Variants in MEIOC observed in about 807,000 individuals in gnomAD.
MEIOC encodes meiosis specific with coiled-coil domain.
In MEIOC, 9 loss-of-function variants were observed where a neutral mutation model predicts 85.3. The ratio of observed to expected loss-of-function variants is 0.11; its 90% CI spans 0.06 to 0.18. MEIOC has a LOEUF of 0.18. Ranked by LOEUF, MEIOC falls within the 10% of genes least tolerant of loss-of-function variation. The pLI, the probability that MEIOC is intolerant of heterozygous loss-of-function variation, is 1.00. For missense variants in MEIOC, 898 were observed against 1,129.4 expected (o/e 0.80, Z 2.94); for synonymous variants, 365 against 393.7 (o/e 0.93, Z 0.86).
At chr17:44,659,496 T>TGA (rs1971816573) in intron 2 of MEIOC, among the ~76,000 whole-genome samples, 1 of 152,264 alleles carries the variant, frequency 6.6e-6, no homozygotes, top group Non-Finnish European at 1.5e-5. Context: ...GGGATGCAGA[T>TGA]ATTTCAAGTA....
chr17:44,671,286 G>A (rs1033852515), intron 6 of MEIOC: 34 of 151,552 alleles, frequency 2.2e-4, no homozygotes, highest in African/African-American at 7.3e-4. Context: ...TCTAGGAAAT[G>A]AAGGATGACA....
chr17:44,659,325 A>G (rs981905730), intron 2 of MEIOC, among the ~76,000 whole-genome samples: 1 of 152,226 alleles, frequency 6.6e-6, no homozygotes, highest in African/African-American at 2.4e-5. Flanking sequence ...CCATAGTTCC[A>G]CTGCTCTCTG....
rs1027862272 is a variant in MEIOC, at chr17:44,668,178, T to C, written c.2267T>C (p.Ile756Thr). The C allele has an allele frequency of 6.2e-7, 1 of 1,613,816 alleles. No homozygotes were observed. Residue 756 changes from isoleucine to threonine, a missense_variant, in exon 5 of 8, where the codon ATT becomes ACT. Transcript: ENST00000409122. ...AGTGGACCAGCCAGTGAACTTCATA[T>C]TCGTCTAGAAGAGTGCTGTGAACAA... ...TRSGPASELH[I>T]RLEECCEQWR...
intron 6 of MEIOC, chr17:44,671,112 C>G (rs898527081): frequency 6.6e-6 from 1 of 151,316 alleles, no homozygotes; most frequent in Non-Finnish European, 1.5e-5. Flanking sequence ...TTAGAAAAAT[C>G]AACATGGGTC....
At chr17:44,668,390 G>A (rs984651088) in intron 5 of MEIOC, among the ~76,000 whole-genome samples, 157 bp downstream of exon 5, 4 of 152,184 alleles carry the variant, frequency 2.6e-5, no homozygotes, top group African/African-American at 9.7e-5. Context: ...TGCCCAGGCT[G>A]GAGTACAGTG....
At chr17:44,670,052 C>G (rs1188669389) in intron 6 of MEIOC, 1 of 152,520 alleles carries the variant, frequency 6.6e-6, no homozygotes, top group East Asian at 1.9e-4. Flanking sequence ...GGGAGAATCA[C>G]TTGAGCCCAG....
At chr17:44,661,674 C>G (rs1971843558) in intron 2 of MEIOC, among the ~76,000 whole-genome samples, 1 of 152,006 alleles carries the variant, frequency 6.6e-6, no homozygotes, top group East Asian at 1.9e-4. Context: ...GCCTCAGCCT[C>G]CCAAGTAGCT....
At chr17:44,673,702 A>G (rs1444581827) in intron 7 of MEIOC, 156 bp downstream of exon 7, 4 of 758,534 alleles carry the variant, frequency 5.3e-6, no homozygotes, top group Non-Finnish European at 8.2e-6. Flanking sequence ...CTCCAAAAGT[A>G]TTTCCATTTT....
intron 4 of MEIOC, among the ~76,000 whole-genome samples, 171 bp downstream of exon 4, chr17:44,665,659 T>C (rs921828327): frequency 1.3e-5 from 2 of 152,172 alleles, no homozygotes; most frequent in Non-Finnish European, 2.9e-5. Context: ...TGCTATATAA[T>C]TGGAAGTTCA....
At position 44,672,569 on chromosome 17, in the gene MEIOC, A is replaced by G. The variant is rs1012246274; in HGVS notation, c.2458-797A>G. ...TCAGTGAACACCAAGTTCTGCTATC[A>G]ATTGTTAAATCATTTAATTCCCAAA... On this transcript the variant is annotated intron_variant, in intron 6 of 7. Coordinates refer to ENST00000409122, the MANE Select transcript of MEIOC (RefSeq NM_001145080.3). 4.6e-5 allele frequency among the ~76,000 whole-genome samples: 7 copies of G among 152,278 alleles called. No individual in the cohort carries two copies. In the South Asian group the frequency reaches 1.5e-3, roughly 32 times the overall value.
intron 2 of MEIOC, among the ~76,000 whole-genome samples, chr17:44,658,651 CG>C (rs987693176): frequency 1.3e-4 from 19 of 151,178 alleles, no homozygotes; most frequent in Non-Finnish European, 1.9e-4. Flanking sequence ...AAAAATCAGC[CG>C]GGTGTGGGGG....
rs1287424859 is a variant in MEIOC at position 44,665,087 on chromosome 17, T to TTA, written c.360-293_360-292dup. The TTA allele has an allele frequency of 9.1e-6, 9 of 990,192 alleles. No individual in the cohort carries two copies. The East Asian group carries it at 7.2e-4, about 79-fold the overall frequency. The allele number at this position is 990,192 out of a possible 1,614,324, so 61.3% of individuals were successfully genotyped here. A position where few individuals can be genotyped will look rare whatever the true frequency, so the allele number is the denominator to read the frequency against. ...GTCTGTGACATCATAGATGACAGATTTATATCTTGGTCACCTAAAATGAAA... is the reference window on the plus strand; with the variant it reads ...GTCTGTGACATCATAGATGACAGATTTATATATCTTGGTCACCTAAAATGAAA... On this transcript the variant is annotated intron_variant, in intron 3 of 7. Transcript: ENST00000409122.
chr17:44,675,655 G>T lies in MEIOC; in HGVS notation c.*1459G>T. 12 of 985,076 alleles carry T rather than the reference G, an allele frequency of 1.2e-5. No homozygotes were observed. Among genetic ancestry groups the T allele is most frequent in the Non-Finnish European group, 1.3e-5 (11 of 829,658 alleles). The allele number at this position is 985,076 out of a possible 1,614,324, so 61.0% of individuals were successfully genotyped here. ...TAGAACTACCCAAATGAATTACATT[G>T]AGGGTAGTCAAATAAAATAGATCAT... On this transcript the variant is annotated 3_prime_UTR_variant, in exon 8 of 8. Coordinates refer to ENST00000409122, the MANE Select transcript of MEIOC (RefSeq NM_001145080.3).
At chr17:44,673,186 T>C in intron 6 of MEIOC, 180 bp from the exon 7 acceptor site, 1 of 450,986 alleles carries the variant, frequency 2.2e-6, no homozygotes, top group South Asian at 5.7e-5. Flanking sequence ...CATAGACAAG[T>C]AGATAGAAAA....
intron 2 of MEIOC, among the ~76,000 whole-genome samples, chr17:44,657,575 T>TG (rs1015084728): frequency 2.6e-5 from 4 of 151,614 alleles, no homozygotes; most frequent in Non-Finnish European, 4.4e-5. Flanking sequence ...GTTTTTGAGA[T>TG]GGAGTTTTGC....
Position 44,675,730 on chromosome 17 carries a change from T to C in MEIOC, c.*1534T>C. On this transcript the variant is annotated 3_prime_UTR_variant, in exon 8 of 8. Transcript: ENST00000409122. ...GTGGTTAAGTTTAACATAAGACATGTTGGATGTTATAAAAACAAATACTGT... is the reference window on the plus strand; with the variant it reads ...GTGGTTAAGTTTAACATAAGACATGCTGGATGTTATAAAAACAAATACTGT... 4 of 975,620 alleles carry C rather than the reference T, an allele frequency of 4.1e-6. No individual in the cohort carries two copies. Among genetic ancestry groups the C allele is most frequent in the Non-Finnish European group, 4.9e-6 (4 of 821,068 alleles). 60.4% of individuals were successfully genotyped at this position (975,620 alleles called of 1,614,324 possible). A position where few individuals can be genotyped will look rare whatever the true frequency, so the allele number is the denominator to read the frequency against.
chr17:44,657,604 A>G (rs1971782180), intron 2 of MEIOC, among the ~76,000 whole-genome samples: 1 of 151,558 alleles, frequency 6.6e-6, no homozygotes, highest in Non-Finnish European at 1.5e-5. Context: ...CCCAGGCTGG[A>G]GTGCAGTGGT....
At position 44,665,368 on chromosome 17, in the gene MEIOC, A is replaced by C; in HGVS notation, c.360-16A>C. ...ATCAATATATTGTATTTCAGCACGAATTCATTTATTTTTAGGATTCAAACA... is the reference window on the plus strand; with the variant it reads ...ATCAATATATTGTATTTCAGCACGACTTCATTTATTTTTAGGATTCAAACA... On this transcript the variant is annotated splice_polypyrimidine_tract_variant and intron_variant, in intron 3 of 7. Transcript: ENST00000409122. The C allele has an allele frequency of 2.0e-6, 3 of 1,489,256 alleles. No homozygotes were observed. Among genetic ancestry groups the C allele is most frequent in the Non-Finnish European group, 2.7e-6 (3 of 1,099,442 alleles). The allele number at this position is 1,489,256 out of a possible 1,614,324, so 92.3% of individuals were successfully genotyped here. A position where few individuals can be genotyped will look rare whatever the true frequency, so the allele number is the denominator to read the frequency against.
At chr17:44,659,806 A>G (rs1469005105) in intron 2 of MEIOC, among the ~76,000 whole-genome samples, 1 of 152,240 alleles carries the variant, frequency 6.6e-6, no homozygotes, top group African/African-American at 2.4e-5. Flanking sequence ...TTTAGAACTC[A>G]AAGGATAAAA....
Sources: gnomAD v4.1 joint callset for allele counts (sites outside exome capture counted in the v4.1 genomes callset) on GRCh38, gnomAD v4.1.1 for gene constraint, MANE v1.5 for transcripts, NCBI Gene and HGNC (gene_info 2026-07-23, HGNC 2026-07-21) for gene names.